CLIC5: variants seen among roughly 807,000 people sequenced by gnomAD.
CLIC5 encodes chloride intracellular channel protein 5.
CLIC5 carries 20 observed loss-of-function variants against 24.7 expected under a neutral mutation model. That is an observed-to-expected ratio of 0.81 (90% CI 0.57 to 1.18). CLIC5 has a LOEUF of 1.18. Among genes scored for constraint, CLIC5 ranks in the 50% most tolerant of loss-of-function variants. CLIC5 has a pLI of 0.00. For synonymous variants in CLIC5, 159 were observed against 135.6 expected (o/e 1.17, Z -1.20); for missense variants, 341 against 326.1 (o/e 1.05, Z -0.35).
chr6:46,036,761 G>T (rs1767673974), intron 1 of CLIC5, among the ~76,000 whole-genome samples: 1 of 152,172 alleles, frequency 6.6e-6, no homozygotes, highest in Non-Finnish European at 1.5e-5. Context: ...CAAATGTTTT[G>T]CTGGTAGATT....
At chr6:45,898,179 T>A (rs1329560853), downstream of CLIC5, among the ~76,000 whole-genome samples, 1 of 152,096 alleles carries the variant, frequency 6.6e-6, no homozygotes, top group African/African-American at 2.4e-5. Flanking sequence ...TTCAAGCAAT[T>A]CTCCTGCCTC....
intron 6 of CLIC5, among the ~76,000 whole-genome samples, chr6:45,887,727 A>AT (rs1463780238): frequency 6.6e-6 from 1 of 152,180 alleles, no homozygotes; most frequent in Non-Finnish European, 1.5e-5. Context: ...TGGCTTTTTA[A>AT]TTTTTTGCTC....
chr6:46,116,499 T>A, the CLIC5 span, among the ~76,000 whole-genome samples: 1 of 152,178 alleles, frequency 6.6e-6, no homozygotes, highest in Non-Finnish European at 1.5e-5. Flanking sequence ...CCCTGTTAAG[T>A]ACATATCTCT....
chr6:46,104,928 T>C, the CLIC5 span, among the ~76,000 whole-genome samples: 1 of 152,218 alleles, frequency 6.6e-6, no homozygotes, highest in Non-Finnish European at 1.5e-5. Flanking sequence ...TAAAATTCCA[T>C]GCCTTCATTC....
At chr6:46,041,993 T>C (rs1012002037) in intron 1 of CLIC5, among the ~76,000 whole-genome samples, 1 of 152,226 alleles carries the variant, frequency 6.6e-6, no homozygotes, top group African/African-American at 2.4e-5. Context: ...ACAAAGGCAC[T>C]GGACTACCAG....
intron 3 of CLIC5, among the ~76,000 whole-genome samples, chr6:45,942,370 T>G (rs780970599): frequency 1.1e-4 from 17 of 152,190 alleles, no homozygotes; most frequent in Non-Finnish European, 2.1e-4. Context: ...CAGGCTGGAG[T>G]TAGAACGATT....
intron 2 of CLIC5, among the ~76,000 whole-genome samples, chr6:45,953,140 G>A (rs1297623167): frequency 2.0e-5 from 3 of 152,086 alleles, no homozygotes; most frequent in African/African-American, 7.2e-5. Context: ...CTAATTTCTA[G>A]TTGGCATCTT....
At chr6:45,881,467 G>A (rs868778873) in intron 6 of CLIC5, among the ~76,000 whole-genome samples, 2 of 152,058 alleles carry the variant, frequency 1.3e-5, no homozygotes, top group African/African-American at 2.4e-5. Context: ...GATTCTCCCC[G>A]TTAGGTGATG....
chr6:45,971,255 G>A (rs1765190931), intron 1 of CLIC5, among the ~76,000 whole-genome samples: 1 of 152,220 alleles, frequency 6.6e-6, no homozygotes, highest in Non-Finnish European at 1.5e-5. Context: ...TTCTAGCAGA[G>A]ATTGTTCCAT....
intron 1 of CLIC5, among the ~76,000 whole-genome samples, chr6:46,073,926 T>C (rs1428190718): frequency 6.6e-6 from 1 of 152,190 alleles, no homozygotes; most frequent in Non-Finnish European, 1.5e-5. Flanking sequence ...TAAAACTTTG[T>C]TTGCCTCCAA....
intron 6 of CLIC5, among the ~76,000 whole-genome samples, chr6:45,885,127 C>T (rs1026487347): frequency 1.3e-5 from 2 of 152,024 alleles, no homozygotes; most frequent in African/African-American, 4.8e-5. Context: ...GCCCCAAACT[C>T]ATATGTTGAA....
At chr6:46,080,204 G>T (rs1477367164) in exon 1 of CLIC5, 4 of 1,551,574 alleles carry the variant, frequency 2.6e-6, no homozygotes, top group Non-Finnish European at 3.5e-6. Flanking sequence ...TCTCATTTTG[G>T]ATTGTGTCAT....
intron 3 of CLIC5, among the ~76,000 whole-genome samples, chr6:45,943,411 C>G (rs948046134): frequency 1.3e-5 from 2 of 152,260 alleles, no homozygotes; most frequent in African/African-American, 2.4e-5. Flanking sequence ...TCACCACATT[C>G]ATCTGCTGTG....
rs1767242306 is a variant in CLIC5 at position 46,023,474 on chromosome 6, A to G, written c.540+56229T>C. Among the ~76,000 whole-genome samples, 3 of 152,334 alleles carry G rather than the reference A, an allele frequency of 2.0e-5. No individual in the cohort carries two copies. The South Asian group carries it at 6.2e-4, about 32-fold the overall frequency. ...GGAGGAGGTTGGGATGCTACTAGAAATTTAGAAATTGCTTACTGAATTGGT... is the reference window on the plus strand; with the variant it reads ...GGAGGAGGTTGGGATGCTACTAGAAGTTTAGAAATTGCTTACTGAATTGGT... On this transcript the variant is annotated intron_variant, in intron 1 of 5. Coordinates refer to the CLIC5 transcript ENST00000185206.
rs371712798 is a variant in CLIC5 at position 45,941,647 on chromosome 6, G to A, written c.306C>T (p.Pro102=). ...ATTCCCGGTGTTTTGCAGCCAGTTT[G>A]GGGTACCTGGAATGGAGGATGCAGT... ...LEETLTPEKY[P]KLAAKHRESN... is the part of the protein sequence containing the mutation. The change falls in exon 4 of 6, where the codon CCC becomes CCT. Residue 102 remains proline (P), a synonymous_variant. Coordinates refer to ENST00000339561, the MANE Select transcript of CLIC5 (RefSeq NM_016929.5). The A allele has an allele frequency of 1.1e-5, 17 of 1,613,690 alleles. No homozygotes were observed. The highest frequency in any genetic ancestry group is 8.0e-5 in the African/African-American group (6 of 75,002).
chr6:46,051,140 G>A (rs1562025132), intron 1 of CLIC5, among the ~76,000 whole-genome samples: 1 of 152,148 alleles, frequency 6.6e-6, no homozygotes, highest in East Asian at 1.9e-4. Context: ...CTTCTCTAGT[G>A]TTTACTGTCA....
downstream of CLIC5, among the ~76,000 whole-genome samples, chr6:45,893,678 G>A (rs747220190): frequency 2.6e-5 from 4 of 152,056 alleles, no homozygotes; most frequent in Non-Finnish European, 5.9e-5. Context: ...GGAATTTCTT[G>A]GTAGAAAATA....
the CLIC5 span, among the ~76,000 whole-genome samples, chr6:46,117,755 C>A: frequency 3.5e-4 from 53 of 152,214 alleles, no homozygotes; most frequent in African/African-American, 1.3e-3. Context: ...GCCACTTTAG[C>A]AAGAATCTTT....
chr6:46,059,300 G>A (rs192985015), intron 1 of CLIC5, among the ~76,000 whole-genome samples: 5 of 152,304 alleles, frequency 3.3e-5, no homozygotes, highest in East Asian at 1.9e-4. Context: ...CATTGCATAC[G>A]GTTGTACACA....
Sources: allele counts gnomAD v4.1 joint callset (sites outside exome capture counted in the v4.1 genomes callset), GRCh38; gene constraint gnomAD v4.1.1; transcripts MANE v1.5; gene names NCBI Gene and HGNC (gene_info 2026-07-23, HGNC 2026-07-21).